Variants in MPDZ observed in about 807,000 individuals in gnomAD.
The protein encoded by MPDZ is multiple PDZ domain crumbs cell polarity complex component.
MPDZ carries 234 observed loss-of-function variants against 239.1 expected under a neutral mutation model. The observed-to-expected ratio is 0.98, with a 90% CI of 0.88 to 1.09. The LOEUF (loss-of-function observed/expected upper bound fraction) is 1.09, where lower values mean the gene tolerates loss of function less well. Among genes scored for constraint, MPDZ ranks in the 50% least tolerant of loss-of-function variants. The pLI, the probability that MPDZ is intolerant of heterozygous loss-of-function variation, is 0.00. For synonymous variants in MPDZ, 1,048 were observed against 881.3 expected (o/e 1.19, Z -3.35); for missense variants, 3,175 against 2,510.0 (o/e 1.26, Z -5.66).
rs778009574 is a variant in MPDZ at position 13,121,732 on chromosome 9, A to G, written c.5231+7T>C. 49 of 1,613,688 alleles carry G rather than the reference A, an allele frequency of 3.0e-5. No homozygotes were observed. In the East Asian group the frequency reaches 8.5e-4, roughly 28 times the overall value. On this transcript the variant is annotated splice_region_variant and intron_variant, in intron 38 of 46. Coordinates refer to ENST00000319217, the MANE Select transcript of MPDZ (RefSeq NM_001378778.1). Reference sequence around the variant, plus strand: ...GGGAGCATTGGGTTTGTCCTCCTCAATCACACCTTTTACCAACAATACTTA... The same window carrying G: ...GGGAGCATTGGGTTTGTCCTCCTCAGTCACACCTTTTACCAACAATACTTA...
At chr9:13,189,084 T>C in intron 16 of MPDZ, 91 bp from the exon 17 acceptor site, 1 of 1,080,184 alleles carries the variant, frequency 9.3e-7, no homozygotes, top group South Asian at 1.7e-5. Flanking sequence ...AATGAGTAAT[T>C]GTCTCAAGTG....
rs1354826146 is a variant in MPDZ at position 13,110,685 on chromosome 9, G to C, written c.5780C>G (p.Thr1927Ser). 3.7e-6 allele frequency: 6 copies of C among 1,613,610 alleles called. No individual in the cohort carries two copies. The African/African-American group carries it at 4.0e-5, about 11-fold the overall frequency. The stretch of plus-strand genomic sequence containing the variant: ...ATTTTTCAGTAGGTTAACTGCTTGG[G>C]TGTGAGTCATGCCCTCAGTGGATGT... ...CGTSTEGMTH[T>S]QAVNLLKNAS... The change falls in exon 44 of 47, where the codon ACC (threonine) becomes AGC (serine). Residue 1927 changes from threonine (T) to serine (S), a missense_variant. Thr to Ser is a moderately conservative substitution (Grantham distance 58, BLOSUM62 1). Coordinates refer to ENST00000319217, the MANE Select transcript of MPDZ (RefSeq NM_001378778.1).
intron 13 of MPDZ, among the ~76,000 whole-genome samples, chr9:13,195,364 G>A (rs184989640): frequency 4.4e-4 from 67 of 152,128 alleles, no homozygotes; most frequent in Middle Eastern, 3.4e-3. Flanking sequence ...CTACTGCTTG[G>A]CACAAAGTAT....
intron 3 of MPDZ, among the ~76,000 whole-genome samples, chr9:13,235,998 C>A (rs1247996812): frequency 6.6e-6 from 1 of 151,662 alleles, no homozygotes; most frequent in Non-Finnish European, 1.5e-5. Context: ...AAGCTATAGA[C>A]TTTAGCTTTT....
chr9:13,252,840 T>C (rs1449365665), intron 1 of MPDZ, among the ~76,000 whole-genome samples: 2 of 152,060 alleles, frequency 1.3e-5, no homozygotes, highest in East Asian at 1.9e-4. Context: ...GGAAGCATGA[T>C]AGCAATAAAA....
intron 3 of MPDZ, among the ~76,000 whole-genome samples, chr9:13,230,674 T>C (rs1370164118): frequency 2.6e-5 from 4 of 152,094 alleles, no homozygotes; most frequent in Non-Finnish European, 5.9e-5. Flanking sequence ...ATATTTGTGG[T>C]GATAAAATAG....
Position 13,153,751 on chromosome 9 carries a change from T to C in MPDZ, c.3453-3063A>G, listed in dbSNP as rs530710917. 8.6e-4 allele frequency among the ~76,000 whole-genome samples: 131 copies of C among 152,198 alleles called. 1 individual carries two copies. The Middle Eastern group carries it at 0.017, about 20-fold the overall frequency. On this transcript the variant is annotated intron_variant, in intron 24 of 46. Coordinates refer to ENST00000319217, the MANE Select transcript of MPDZ (RefSeq NM_001378778.1). The stretch of plus-strand genomic sequence containing the variant: ...TAGTAAGTTCAGCCACAAGTGTAAA[T>C]ATTTAACAACCCAGAATACATAGGT...
chr9:13,117,926 C>T (rs569270564), intron 39 of MPDZ, among the ~76,000 whole-genome samples: 1 of 148,984 alleles, frequency 6.7e-6, no homozygotes, highest in African/African-American at 2.5e-5. Context: ...CTTACTGCAA[C>T]CTCTGCCTCC....
chr9:13,145,734 T>C (rs1027635988), intron 26 of MPDZ, among the ~76,000 whole-genome samples: 7 of 152,006 alleles, frequency 4.6e-5, no homozygotes, highest in Admixed American at 2.0e-4. Context: ...TCAGGTATCA[T>C]TATACCTCAG....
At chr9:13,177,943 T>G (rs773459955) in intron 19 of MPDZ, among the ~76,000 whole-genome samples, 1 of 152,118 alleles carries the variant, frequency 6.6e-6, no homozygotes, top group Non-Finnish European at 1.5e-5. Flanking sequence ...CCACTAGAAT[T>G]TCAATGGTTG....
chr9:13,164,531 G>A (rs1454542564), intron 22 of MPDZ, among the ~76,000 whole-genome samples: 7 of 151,990 alleles, frequency 4.6e-5, no homozygotes, highest in East Asian at 2.0e-4. Flanking sequence ...GGGAAGAAAG[G>A]CAGGATAGAA....
At chr9:13,268,977 A>G (rs1161049166) in intron 1 of MPDZ, among the ~76,000 whole-genome samples, 2 of 152,232 alleles carry the variant, frequency 1.3e-5, no homozygotes, top group African/African-American at 4.8e-5. Context: ...CCAAAGAGGG[A>G]AAAGAACTAA....
intron 23 of MPDZ, among the ~76,000 whole-genome samples, chr9:13,161,645 C>T (rs993112245): frequency 1.3e-5 from 2 of 152,068 alleles, no homozygotes; most frequent in African/African-American, 4.8e-5. Context: ...TCTGCTCTAC[C>T]ACATGCTTAC....
At chr9:13,221,578 G>GTA in intron 6 of MPDZ, 78 bp from the exon 7 acceptor site, 1 of 1,471,104 alleles carries the variant, frequency 6.8e-7, no homozygotes, top group South Asian at 1.4e-5. Flanking sequence ...AAATTTTTGC[G>GTA]ATTATTTTGT....
At chr9:13,188,218 T>C (rs150147118) in intron 17 of MPDZ, among the ~76,000 whole-genome samples, 103 of 152,216 alleles carry the variant, frequency 6.8e-4, no homozygotes, top group African/African-American at 2.4e-3. Context: ...GACCTTATTA[T>C]CAAATATAAA....
chr9:13,188,522 T>C (rs187524072), intron 17 of MPDZ, among the ~76,000 whole-genome samples: 512 of 152,028 alleles, frequency 3.4e-3, no homozygotes, highest in Non-Finnish European at 5.6e-3. Context: ...CATCAATCAA[T>C]CAATCAATCA....
At chr9:13,272,405 T>TA (rs1973188107) in intron 1 of MPDZ, among the ~76,000 whole-genome samples, 1 of 152,096 alleles carries the variant, frequency 6.6e-6, no homozygotes, top group Non-Finnish European at 1.5e-5. Flanking sequence ...TTCAATAGAT[T>TA]AAATCAGAAT....
intron 39 of MPDZ, among the ~76,000 whole-genome samples, chr9:13,117,604 C>G (rs1943677460): frequency 6.6e-6 from 1 of 151,754 alleles, no homozygotes; most frequent in African/African-American, 2.4e-5. Context: ...GCTATTTATA[C>G]CAAAGTTTAT....
intron 3 of MPDZ, among the ~76,000 whole-genome samples, chr9:13,239,227 A>G (rs1964796508): frequency 6.6e-6 from 1 of 152,144 alleles, no homozygotes; most frequent in South Asian, 2.1e-4. Flanking sequence ...GAAGCCCTCA[A>G]ATCACCCAGA....
Sources: allele counts gnomAD v4.1 joint callset (sites outside exome capture counted in the v4.1 genomes callset), GRCh38; gene constraint gnomAD v4.1.1; transcripts MANE v1.5; gene names NCBI Gene and HGNC (gene_info 2026-07-23, HGNC 2026-07-21).